Variants in NCKAP5 observed in about 807,000 individuals in gnomAD.
The protein encoded by NCKAP5 is NCK associated protein 5.
NCKAP5 carries 92 observed loss-of-function variants against 167.0 expected under a neutral mutation model. The ratio of observed to expected loss-of-function variants is 0.55; its 90% CI spans 0.47 to 0.66. The LOEUF is 0.66. Among genes scored for constraint, NCKAP5 ranks in the 30% least tolerant of loss-of-function variants. The probability of loss-of-function intolerance (pLI) is 0.00; values close to 1 mark genes in which losing one functional copy is unlikely to be tolerated. For missense variants in NCKAP5, 2,378 were observed against 2,315.0 expected, an observed-to-expected ratio of 1.03 and a Z score of -0.56; for synonymous variants, 891 against 877.4, an observed-to-expected ratio of 1.02 and a Z score of -0.27.
intron 5 of NCKAP5, among the ~76,000 whole-genome samples, chr2:133,174,154 A>G (rs1055940825): frequency 3.9e-5 from 6 of 152,182 alleles, no homozygotes; most frequent in South Asian, 2.1e-4. Context: ...AAGCTGTAGC[A>G]GTTGCCAAGT....
At chr2:132,738,842 G>A (rs761748086) in intron 16 of NCKAP5, among the ~76,000 whole-genome samples, 4 of 151,912 alleles carry the variant, frequency 2.6e-5, no homozygotes, top group Non-Finnish European at 4.4e-5. Context: ...AACAGCTCTC[G>A]TGTGAACCAA....
the NCKAP5 span, among the ~76,000 whole-genome samples, chr2:133,623,213 G>A: frequency 0.24 from 35,849 of 151,968 alleles, 4,454 homozygotes; most frequent in East Asian, 0.32. Flanking sequence ...AGATAACATC[G>A]GAAAAACTCT....
chr2:132,970,326 T>C (rs1297598687), intron 7 of NCKAP5, among the ~76,000 whole-genome samples: 1 of 152,226 alleles, frequency 6.6e-6, no homozygotes. Context: ...TGTGTAGTGC[T>C]AAATACTGTG....
intron 16 of NCKAP5, among the ~76,000 whole-genome samples, chr2:132,741,887 G>A (rs548913512): frequency 1.3e-5 from 2 of 152,044 alleles, no homozygotes; most frequent in African/African-American, 4.8e-5. Context: ...CTATCTGTTG[G>A]TATCTCCTTT....
At chr2:132,912,983 G>A (rs1694573999) in intron 8 of NCKAP5, among the ~76,000 whole-genome samples, 1 of 152,072 alleles carries the variant, frequency 6.6e-6, no homozygotes. Context: ...ACATTAGAAA[G>A]CACTCAGTGT....
intron 6 of NCKAP5, among the ~76,000 whole-genome samples, chr2:133,081,302 C>T (rs2080797814): frequency 6.6e-6 from 1 of 152,044 alleles, no homozygotes; most frequent in South Asian, 2.1e-4. Context: ...AACTTGAATG[C>T]TGATGTAAAA....
chr2:133,130,885 C>T (rs534679998), intron 5 of NCKAP5, among the ~76,000 whole-genome samples: 2 of 152,204 alleles, frequency 1.3e-5, no homozygotes, highest in South Asian at 2.1e-4. Context: ...AAAAAGCATG[C>T]CATGCTGTTA....
intron 4 of NCKAP5, among the ~76,000 whole-genome samples, chr2:133,236,331 A>T (rs971966118): frequency 6.6e-6 from 1 of 152,194 alleles, no homozygotes; most frequent in Non-Finnish European, 1.5e-5. Flanking sequence ...GCAATGGTTC[A>T]GTGTTTAAGG....
chr2:133,427,405 T>C (rs964177571), intron 3 of NCKAP5, among the ~76,000 whole-genome samples: 1 of 152,194 alleles, frequency 6.6e-6, no homozygotes, highest in Admixed American at 6.5e-5. Flanking sequence ...TAAAATGTTA[T>C]AGTTTTAAAA....
At chr2:133,593,292 CA>C in the NCKAP5 span, among the ~76,000 whole-genome samples, 3 of 149,024 alleles carry the variant, frequency 2.0e-5, no homozygotes, top group Non-Finnish European at 4.5e-5. Context: ...GTCATCTTCA[CA>C]AAAAAAAGGA....
rs566006919 is a variant in NCKAP5 at position 133,295,863 on chromosome 2, T to G, written c.143+7174A>C. On this transcript the variant is annotated intron_variant, in intron 4 of 19. Coordinates refer to ENST00000409261, the MANE Select transcript of NCKAP5 (RefSeq NM_207363.3). ...GGTAGCTGGCACTCTGCATTCAGAT[T>G]TTGTCATTTGATTTTGATCATGGAG... Among the ~76,000 whole-genome samples, 3 of 152,332 alleles carry G rather than the reference T, an allele frequency of 2.0e-5. No individual in the cohort carries two copies. In the South Asian group the frequency reaches 6.2e-4, roughly 32 times the overall value.
At chr2:133,193,164 C>T (rs1031602399) in intron 5 of NCKAP5, among the ~76,000 whole-genome samples, 1 of 152,020 alleles carries the variant, frequency 6.6e-6, no homozygotes, top group African/African-American at 2.4e-5. Context: ...TTATATACTA[C>T]ATGATTCCAT....
intron 4 of NCKAP5, among the ~76,000 whole-genome samples, chr2:133,280,445 T>C (rs1574588463): frequency 1.3e-5 from 2 of 152,154 alleles, no homozygotes; most frequent in African/African-American, 2.4e-5. Context: ...CTGACTCTCT[T>C]GCCCAGGCTG....
chr2:133,019,279 G>C (rs2078445737), intron 6 of NCKAP5, among the ~76,000 whole-genome samples: 1 of 152,136 alleles, frequency 6.6e-6, no homozygotes, highest in East Asian at 1.9e-4. Context: ...ACTCACTGGG[G>C]AGTTTATCAG....
At chr2:132,903,250 C>A (rs545732061) in intron 8 of NCKAP5, among the ~76,000 whole-genome samples, 2 of 152,186 alleles carry the variant, frequency 1.3e-5, no homozygotes, top group African/African-American at 4.8e-5. Context: ...CTCAGTCCCA[C>A]CAGACACATT....
the NCKAP5 span, among the ~76,000 whole-genome samples, chr2:133,614,903 G>A: frequency 6.6e-6 from 1 of 152,158 alleles, no homozygotes; most frequent in African/African-American, 2.4e-5. Context: ...CAGAGAGAAA[G>A]GTCGGGCTAC....
intron 6 of NCKAP5, among the ~76,000 whole-genome samples, chr2:133,120,079 C>T (rs1007804): frequency 0.6 from 90,736 of 151,992 alleles, 30,102 homozygotes; most frequent in East Asian, 0.93. Flanking sequence ...GAAAAAGAAA[C>T]GTATATTTCT....
intron 8 of NCKAP5, among the ~76,000 whole-genome samples, chr2:132,886,731 T>C (rs976064670): frequency 2.0e-5 from 3 of 152,208 alleles, no homozygotes; most frequent in Non-Finnish European, 4.4e-5. Context: ...GGCAATGATA[T>C]TGTGTCCTTC....
At chr2:133,395,316 A>G (rs1192204555) in intron 3 of NCKAP5, among the ~76,000 whole-genome samples, 2 of 152,192 alleles carry the variant, frequency 1.3e-5, no homozygotes, top group African/African-American at 2.4e-5. Context: ...CTTCAATGAT[A>G]TGAGGGCAAC....
Sources: gnomAD v4.1 joint callset for allele counts (sites outside exome capture counted in the v4.1 genomes callset) on GRCh38, gnomAD v4.1.1 for gene constraint, MANE v1.5 for transcripts, NCBI Gene and HGNC (gene_info 2026-07-23, HGNC 2026-07-21) for gene names.